The following DIP2B variants were observed in gnomAD, a reference collection of about 807,000 sequenced individuals.
The protein encoded by DIP2B is DIP2 acetate--CoA ligase B (putative), also known as disco-interacting protein 2 homolog B.
A neutral mutation model predicts 198.0 loss-of-function variants in DIP2B; 76 were observed. That is an observed-to-expected ratio of 0.38 (90% confidence interval 0.32 to 0.46). DIP2B has a LOEUF of 0.46. DIP2B is among the 20% of genes least tolerant of loss of function. DIP2B has a pLI of 0.99. For missense variants in DIP2B, 1,559 were observed against 1,978.4 expected (o/e 0.79, Z 4.02); for synonymous variants, 701 against 739.1 (o/e 0.95, Z 0.84).
intron 25 of DIP2B, among the ~76,000 whole-genome samples, chr12:50,719,794 A>G (rs1939799709): frequency 6.6e-6 from 1 of 151,324 alleles, no homozygotes; most frequent in Non-Finnish European, 1.5e-5. Context: ...TGAGCCGAAA[A>G]TGCGCCATTG....
At chr12:50,698,553 G>A in intron 18 of DIP2B, 86 bp downstream of exon 18, 2 of 1,494,724 alleles carry the variant, frequency 1.3e-6, no homozygotes, top group Non-Finnish European at 9.0e-7. Flanking sequence ...AATCCCAAAC[G>A]AGGAACCCTT....
intron 2 of DIP2B, among the ~76,000 whole-genome samples, chr12:50,633,616 A>C (rs546420254): frequency 3.9e-4 from 59 of 152,124 alleles, no homozygotes; most frequent in Non-Finnish European, 7.6e-4. Flanking sequence ...AAATCAAAAA[A>C]TTTGCCAGGT....
intron 35 of DIP2B, among the ~76,000 whole-genome samples, 191 bp downstream of exon 35, chr12:50,737,301 G>A (rs1940154889): frequency 6.6e-6 from 1 of 152,124 alleles, no homozygotes; most frequent in Admixed American, 6.5e-5. Flanking sequence ...GAAGATTTAG[G>A]CACCCAAACT....
intron 1 of DIP2B, 101 bp from the exon 2 acceptor site, chr12:50,625,875 T>TA: frequency 8.6e-7 from 1 of 1,163,550 alleles, no homozygotes; most frequent in Admixed American, 2.0e-5. Flanking sequence ...CCTGCCTCTA[T>TA]ATGGGGTAGT....
chr12:50,652,861 G>A (rs1176349592), intron 3 of DIP2B, among the ~76,000 whole-genome samples: 1 of 150,072 alleles, frequency 6.7e-6, no homozygotes, highest in Non-Finnish European at 1.5e-5. Context: ...TAAGTATTTT[G>A]TTCTTTTTGA....
chr12:50,732,644 T>TA (rs1940064533), intron 32 of DIP2B, 108 bp downstream of exon 32: 1 of 1,393,164 alleles, frequency 7.2e-7, no homozygotes, highest in Non-Finnish European at 9.8e-7. Context: ...CAGCCGCACT[T>TA]ACTTGCTTTG....
intron 16 of DIP2B, among the ~76,000 whole-genome samples, chr12:50,696,499 T>C (rs1939314217): frequency 6.6e-6 from 1 of 152,234 alleles, no homozygotes; most frequent in Non-Finnish European, 1.5e-5. Flanking sequence ...GTATAACCTC[T>C]TTCTATCATG....
At chr12:50,650,252 T>C (rs1297735497) in intron 3 of DIP2B, among the ~76,000 whole-genome samples, 2 of 152,170 alleles carry the variant, frequency 1.3e-5, no homozygotes, top group Admixed American at 6.5e-5. Context: ...AAAACTTTCC[T>C]ATAATCCAGC....
chr12:50,524,423 C>T (rs7953209), intron 1 of DIP2B, among the ~76,000 whole-genome samples: 8 of 152,120 alleles, frequency 5.3e-5, no homozygotes, highest in Non-Finnish European at 1.0e-4. Flanking sequence ...AGACCTACAC[C>T]GCCCTGACCC....
chr12:50,676,017 G>A (rs958096970), intron 7 of DIP2B, among the ~76,000 whole-genome samples: 11 of 152,130 alleles, frequency 7.2e-5, no homozygotes, highest in African/African-American at 2.7e-4. Context: ...GCCAATATAG[G>A]CACTTCTGAG....
intron 1 of DIP2B, among the ~76,000 whole-genome samples, chr12:50,538,632 T>A (rs1958291551): frequency 6.6e-6 from 1 of 152,212 alleles, no homozygotes; most frequent in South Asian, 2.1e-4. Flanking sequence ...AGTTTTTTTT[T>A]GTAATAATAT....
intron 1 of DIP2B, among the ~76,000 whole-genome samples, chr12:50,548,396 A>C (rs371625520): frequency 6.6e-6 from 1 of 152,236 alleles, no homozygotes; most frequent in African/African-American, 2.4e-5. Context: ...ATGCATACTC[A>C]TGTATGTTGT....
At chr12:50,612,439 T>TA (rs1182325350) in intron 1 of DIP2B, among the ~76,000 whole-genome samples, 1 of 151,508 alleles carries the variant, frequency 6.6e-6, no homozygotes, top group African/African-American at 2.4e-5. Context: ...ACTTTTTTTT[T>TA]TTTTTTTTGA....
chr12:50,704,463 A>G (rs561506497), intron 20 of DIP2B, among the ~76,000 whole-genome samples: 2 of 152,358 alleles, frequency 1.3e-5, no homozygotes, highest in South Asian at 2.1e-4. Context: ...CTGAGATCAG[A>G]AGACATGATG....
chr12:50,679,395 A>G (rs1169671080), intron 8 of DIP2B: 1 of 158,034 alleles, frequency 6.3e-6, no homozygotes, highest in East Asian at 1.9e-4. Flanking sequence ...TAGTTTATTC[A>G]AACAGATTCC....
chr12:50,743,083 G>C (rs1940282371), intron 37 of DIP2B, among the ~76,000 whole-genome samples: 1 of 151,992 alleles, frequency 6.6e-6, no homozygotes, highest in Admixed American at 6.6e-5. Flanking sequence ...TTAATTACTG[G>C]AATTTGGTTT....
chr12:50,603,481 A>G (rs992833574), intron 1 of DIP2B, among the ~76,000 whole-genome samples: 7 of 151,894 alleles, frequency 4.6e-5, no homozygotes, highest in Non-Finnish European at 1.0e-4. Flanking sequence ...GCTCATGCCT[A>G]TAATCCTAGC....
intron 28 of DIP2B, among the ~76,000 whole-genome samples, chr12:50,725,669 A>G (rs1375663637): frequency 6.6e-6 from 1 of 152,216 alleles, no homozygotes; most frequent in African/African-American, 2.4e-5. Context: ...TTGAGCCCTT[A>G]TGATATGTCA....
intron 1 of DIP2B, among the ~76,000 whole-genome samples, chr12:50,541,737 CATGCCTGT>C (rs1434475956): frequency 6.6e-6 from 1 of 152,304 alleles, no homozygotes; most frequent in Non-Finnish European, 1.5e-5. Context: ...TGCAGTGGCT[CATGCCTGT>C]AATCCCAGCA....
Sources: allele counts gnomAD v4.1 joint callset (sites outside exome capture counted in the v4.1 genomes callset), GRCh38; gene constraint gnomAD v4.1.1; transcripts MANE v1.5; gene names NCBI Gene and HGNC (gene_info 2026-07-23, HGNC 2026-07-21).